NSUN3: variants seen among roughly 807,000 people sequenced by gnomAD.
NSUN3 encodes the protein NOP2/Sun RNA methyltransferase 3, also known as tRNA (cytosine(34)-C(5))-methyltransferase, mitochondrial.
In NSUN3, 24 loss-of-function variants were observed where a neutral mutation model predicts 36.8. The observed-to-expected ratio is 0.65, with a 90% confidence interval of 0.47 to 0.92. The LOEUF (loss-of-function observed/expected upper bound fraction) is 0.92, where lower values mean the gene tolerates loss of function less well. Ranked by LOEUF, NSUN3 falls within the 40% of genes least tolerant of loss-of-function variation. NSUN3 has a pLI of 0.00. For synonymous variants in NSUN3, 146 were observed against 145.2 expected, an observed-to-expected ratio of 1.01 and a Z score of -0.04; for missense variants, 381 against 392.8, an observed-to-expected ratio of 0.97 and a Z score of 0.25.
At chr3:94,067,881 G>A (rs1003080223) in intron 2 of NSUN3, among the ~76,000 whole-genome samples, 3 of 152,036 alleles carry the variant, frequency 2.0e-5, no homozygotes, top group Non-Finnish European at 4.4e-5. Flanking sequence ...GTTTCTCGGT[G>A]CTACCAAATT....
chr3:94,083,740 A>G (rs2077280847), intron 2 of NSUN3, among the ~76,000 whole-genome samples: 1 of 152,108 alleles, frequency 6.6e-6, no homozygotes, highest in African/African-American at 2.4e-5. Context: ...GCATGATGGA[A>G]AGTTAGGGTT....
intron 5 of NSUN3, among the ~76,000 whole-genome samples, chr3:94,121,356 A>G (rs1220195900): frequency 2.0e-5 from 3 of 152,154 alleles, no homozygotes; most frequent in African/African-American, 4.8e-5. Context: ...TCTTTCAATG[A>G]TAAAGGACCT....
chr3:94,080,170 C>T (rs929090211), intron 2 of NSUN3, among the ~76,000 whole-genome samples: 1 of 152,146 alleles, frequency 6.6e-6, no homozygotes, highest in Non-Finnish European at 1.5e-5. Flanking sequence ...CAGTTGGGCC[C>T]CTCTGCTGCA....
At chr3:94,074,364 G>A (rs1310560571) in intron 2 of NSUN3, among the ~76,000 whole-genome samples, 1 of 152,282 alleles carries the variant, frequency 6.6e-6, no homozygotes, top group African/African-American at 2.4e-5. Context: ...GCTGGATGGG[G>A]ATAGCATTGA....
intron 5 of NSUN3, among the ~76,000 whole-genome samples, chr3:94,097,006 C>G (rs1049089980): frequency 2.0e-5 from 3 of 152,038 alleles, no homozygotes; most frequent in Non-Finnish European, 4.4e-5. Flanking sequence ...TTTCTATTAC[C>G]AGGTTTTCTG....
chr3:94,064,589 C>T (rs1430962439), intron 2 of NSUN3, 43 bp downstream of exon 2: 13 of 1,184,686 alleles, frequency 1.1e-5, no homozygotes, highest in Admixed American at 3.5e-5. Context: ...GAACAAAGTA[C>T]AATATGTAGT....
chr3:94,100,409 G>A (rs920909562), intron 5 of NSUN3, among the ~76,000 whole-genome samples: 19 of 152,284 alleles, frequency 1.2e-4, no homozygotes, highest in Admixed American at 5.2e-4. Context: ...TCTCACTTCC[G>A]TGTGGAATCT....
intron 5 of NSUN3, among the ~76,000 whole-genome samples, chr3:94,107,593 T>C (rs1049112754): frequency 3.9e-5 from 6 of 152,092 alleles, no homozygotes; most frequent in African/African-American, 1.4e-4. Flanking sequence ...GGCTAATTTT[T>C]TTTTTACTAG....
intron 5 of NSUN3, among the ~76,000 whole-genome samples, chr3:94,105,346 G>C (rs945784754): frequency 2.0e-5 from 3 of 152,128 alleles, no homozygotes; most frequent in African/African-American, 7.2e-5. Context: ...CTGTCAGCAA[G>C]ATTTTCCTGG....
intron 2 of NSUN3, chr3:94,075,896 G>T: frequency 7.5e-7 from 1 of 1,325,524 alleles, no homozygotes; most frequent in Non-Finnish European, 1.1e-6. Context: ...ATCACAAGAA[G>T]TAAAGACGTA....
At position 94,071,037 on chromosome 3, in the gene NSUN3, T is replaced by C. The variant is rs542064954; in HGVS notation, c.122+6491T>C. On this transcript the variant is annotated intron_variant, in intron 2 of 5. Coordinates refer to ENST00000314622, the MANE Select transcript of NSUN3 (RefSeq NM_022072.5). ...TTAACTGAAGGTTTTTCTCAGCTTTTATAAAAAACACAAAATAGGCATAAA... is the reference window on the plus strand; with the variant it reads ...TTAACTGAAGGTTTTTCTCAGCTTTCATAAAAAACACAAAATAGGCATAAA... Among the ~76,000 whole-genome samples the C allele has an allele frequency of 1.1e-4, 17 of 152,350 alleles. No individual in the cohort carries two copies. In the East Asian group the frequency reaches 3.3e-3, roughly 29 times the overall value.
chr3:94,118,035 G>C (rs1325843484), intron 5 of NSUN3, among the ~76,000 whole-genome samples: 1 of 152,154 alleles, frequency 6.6e-6, no homozygotes, highest in Non-Finnish European at 1.5e-5. Flanking sequence ...TGATGGTACA[G>C]GAAGGAAATT....
At chr3:94,077,283 A>G in intron 2 of NSUN3, 1 of 531,530 alleles carries the variant, frequency 1.9e-6, no homozygotes, top group Non-Finnish European at 3.4e-6. Flanking sequence ...CATCCCAGGT[A>G]TGAAGTTGAC....
intron 5 of NSUN3, among the ~76,000 whole-genome samples, chr3:94,107,974 C>CTATTTTTTT (rs2077397309): frequency 8.7e-6 from 1 of 114,462 alleles, no homozygotes; most frequent in Non-Finnish European, 1.7e-5. Flanking sequence ...TTTTTTTTTC[C>CTATTTTTTT]TTTTTTTTTT....
At chr3:94,090,203 A>G (rs1321779595) in intron 3 of NSUN3, among the ~76,000 whole-genome samples, 1 of 151,602 alleles carries the variant, frequency 6.6e-6, no homozygotes, top group Non-Finnish European at 1.5e-5. Flanking sequence ...GTTAAGATGA[A>G]AAAAAAAATT....
In NSUN3 at chr3:94,131,508, A is replaced by G. The variant is rs1053039551; in HGVS notation, c.*5018A>G. Among the ~76,000 whole-genome samples, 1 of 152,136 alleles carries G rather than the reference A, an allele frequency of 6.6e-6. No homozygotes were observed. Among genetic ancestry groups the G allele is most frequent in the Non-Finnish European group, 1.5e-5 (1 of 68,022 alleles). On this transcript the variant is annotated 3_prime_UTR_variant, in exon 6 of 6. Coordinates refer to ENST00000314622, the MANE Select transcript of NSUN3 (RefSeq NM_022072.5). ...AGGATTAATCAATACTTGGGAAAAA[A>G]ACAACAACCTTTGAACTGTTTCAGG...
intron 5 of NSUN3, among the ~76,000 whole-genome samples, chr3:94,118,706 T>A (rs930707448): frequency 7.2e-5 from 11 of 152,042 alleles, no homozygotes; most frequent in South Asian, 2.1e-4. Flanking sequence ...AAAAAAAAAA[T>A]AATAAATAAC....
intron 5 of NSUN3, among the ~76,000 whole-genome samples, chr3:94,125,164 A>T (rs750139632): frequency 6.6e-6 from 1 of 152,092 alleles, no homozygotes; most frequent in Non-Finnish European, 1.5e-5. Context: ...CATTTAATAG[A>T]TCATATTTCT....
At chr3:94,076,704 GT>G in intron 2 of NSUN3, 1 of 1,289,410 alleles carries the variant, frequency 7.8e-7, no homozygotes, top group Non-Finnish European at 1.1e-6. Flanking sequence ...GGTTTAGGAT[GT>G]TTTGTATAGT....
Sources: gnomAD v4.1 joint callset for allele counts (sites outside exome capture counted in the v4.1 genomes callset) on GRCh38, gnomAD v4.1.1 for gene constraint, MANE v1.5 for transcripts, NCBI Gene and HGNC (gene_info 2026-07-23, HGNC 2026-07-21) for gene names.